NFX1: variants seen among roughly 807,000 people sequenced by gnomAD.
The protein encoded by NFX1 is transcriptional repressor NF-X1.
In NFX1, 69 loss-of-function variants were observed where a neutral mutation model predicts 137.2. The ratio of observed to expected loss-of-function variants is 0.50; its 90% CI spans 0.41 to 0.61. The LOEUF (loss-of-function observed/expected upper bound fraction) is 0.61, where lower values mean the gene tolerates loss of function less well. Among genes scored for constraint, NFX1 ranks in the 20% least tolerant of loss-of-function variants. The probability of loss-of-function intolerance (pLI) is 0.00; values close to 1 mark genes in which losing one functional copy is unlikely to be tolerated. For missense variants in NFX1, 1,167 were observed against 1,391.0 expected, an observed-to-expected ratio of 0.84 and a Z score of 2.56; for synonymous variants, 495 against 474.1, an observed-to-expected ratio of 1.04 and a Z score of -0.57.
intron 12 of NFX1, among the ~76,000 whole-genome samples, chr9:33,342,187 A>G (rs892679752): frequency 5.1e-5 from 4 of 77,992 alleles, no homozygotes; most frequent in East Asian, 3.7e-4. Flanking sequence ...TAAAATTTCA[A>G]ACTGGCTCAT....
In NFX1 at chr9:33,366,766, T is replaced by G; in HGVS notation, c.3177T>G (p.Thr1059=). 3 of 1,613,920 alleles carry G rather than the reference T, an allele frequency of 1.9e-6. No individual in the cohort carries two copies. In the South Asian group the frequency reaches 3.3e-5, roughly 18 times the overall value. The change falls in exon 22 of 24, where the codon ACT becomes ACG. Residue 1059 remains threonine (T), a synonymous_variant. Transcript: ENST00000379540. Reference sequence around the variant, plus strand: ...AACCGAAGCGCAATGTGGTGGTCACTGCCATCAGGTAGGTCAATCCCGCCG... The same window carrying G: ...AACCGAAGCGCAATGTGGTGGTCACGGCCATCAGGTAGGTCAATCCCGCCG... ...DSEPKRNVVV[T]AIRGKSVCPP... is the part of the protein sequence containing the mutation.
chr9:33,357,211 A>T (rs1823840512), intron 19 of NFX1, among the ~76,000 whole-genome samples: 1 of 152,098 alleles, frequency 6.6e-6, no homozygotes, highest in African/African-American at 2.4e-5. Flanking sequence ...CTGAGGCAGG[A>T]GAATGGCATG....
Position 33,332,515 on chromosome 9 carries a change from T to C in NFX1, c.2035+13T>C. 6.4e-7 allele frequency: 1 copy of C among 1,565,692 alleles called. No homozygotes were observed. Among genetic ancestry groups the C allele is most frequent in the Non-Finnish European group, 8.7e-7 (1 of 1,151,194 alleles). ...CTCAAAAGTGAAGGTATGACTGGGG[T>C]GGGGCATGAGGGAATTTCTGGGGTG... On this transcript the variant is annotated intron_variant, in intron 11 of 23. Transcript: ENST00000379540.
At chr9:33,362,311 C>T (rs1824020884) in intron 19 of NFX1, among the ~76,000 whole-genome samples, 1 of 152,102 alleles carries the variant, frequency 6.6e-6, no homozygotes, top group Admixed American at 6.6e-5. Flanking sequence ...GATACCTGTA[C>T]TCTCATATTT....
intron 1 of NFX1, among the ~76,000 whole-genome samples, chr9:33,293,678 A>G (rs751186673): frequency 5.3e-5 from 8 of 152,208 alleles, no homozygotes; most frequent in Non-Finnish European, 8.8e-5. Context: ...TTTGTGCTTC[A>G]GGGACTGAAT....
chr9:33,363,350 T>C (rs143142263), intron 19 of NFX1, among the ~76,000 whole-genome samples: 8 of 151,570 alleles, frequency 5.3e-5, no homozygotes, highest in African/African-American at 1.9e-4. Context: ...AGTGGCACAA[T>C]CTCGGTTCAC....
intron 11 of NFX1, 33 bp from the exon 12 acceptor site, chr9:33,338,477 G>T (rs1482845565): frequency 1.3e-6 from 2 of 1,576,242 alleles, no homozygotes; most frequent in Admixed American, 1.7e-5. Context: ...TCCTTTGTCT[G>T]GTTTTTTTTT....
intron 19 of NFX1, 144 bp downstream of exon 19, chr9:33,355,036 C>A: frequency 1.4e-6 from 1 of 740,312 alleles, no homozygotes; most frequent in Non-Finnish European, 2.2e-6. Flanking sequence ...ATGCCGTTAC[C>A]AAGAATTGAA....
At chr9:33,362,867 C>G (rs998936129) in intron 19 of NFX1, among the ~76,000 whole-genome samples, 1 of 151,920 alleles carries the variant, frequency 6.6e-6, no homozygotes, top group African/African-American at 2.4e-5. Context: ...CCACACCTGA[C>G]TAATTTTTGT....
At chr9:33,307,876 T>C (rs1196718679) in intron 5 of NFX1, among the ~76,000 whole-genome samples, 4 of 147,510 alleles carry the variant, frequency 2.7e-5, no homozygotes, top group African/African-American at 9.9e-5. Flanking sequence ...TGATCACAGC[T>C]CACTGCAACC....
chr9:33,329,163 A>G (rs10125284), intron 10 of NFX1, among the ~76,000 whole-genome samples: 7,090 of 152,328 alleles, frequency 0.047, 488 homozygotes, highest in African/African-American at 0.15. Context: ...GTCCAAAAAA[A>G]TACCAAAGGT....
chr9:33,302,171 C>A lies in NFX1; in HGVS notation c.1192+750C>A, dbSNP rs150864129. Among the ~76,000 whole-genome samples the A allele has an allele frequency of 7.5e-4, 114 of 152,110 alleles. 1 individual carries two copies. Among genetic ancestry groups the A allele is most frequent in the African/African-American group, 2.7e-3 (112 of 41,484 alleles). On this transcript the variant is annotated intron_variant, in intron 3 of 23. Transcript: ENST00000379540. ...GGTACACATGATATTTTGATACAAG[C>A]GTACAATGTGTAATGATCAAATCAG...
intron 9 of NFX1, among the ~76,000 whole-genome samples, chr9:33,322,987 T>C (rs929440460): frequency 9.9e-5 from 15 of 152,180 alleles, no homozygotes; most frequent in African/African-American, 3.4e-4. Context: ...TTTAATTGGA[T>C]CAGACTGCTG....
chr9:33,348,855 T>G (rs1036047946), intron 15 of NFX1: 2 of 875,666 alleles, frequency 2.3e-6, no homozygotes, highest in East Asian at 1.2e-4. Flanking sequence ...TGATACTGTT[T>G]GCTACATTCC....
intron 1 of NFX1, among the ~76,000 whole-genome samples, chr9:33,291,563 G>A (rs1442724728): frequency 6.6e-6 from 1 of 152,184 alleles, no homozygotes; most frequent in African/African-American, 2.4e-5. Flanking sequence ...ATATGTATTT[G>A]TATACTGGGT....
intron 13 of NFX1, among the ~76,000 whole-genome samples, chr9:33,343,536 T>G (rs1823302839): frequency 6.6e-6 from 1 of 152,192 alleles, no homozygotes; most frequent in South Asian, 2.1e-4. Flanking sequence ...TTAAAGATGT[T>G]TTCAAATAAT....
At chr9:33,323,063 A>G (rs1279484446) in intron 9 of NFX1, among the ~76,000 whole-genome samples, 1 of 152,210 alleles carries the variant, frequency 6.6e-6, no homozygotes, top group Admixed American at 6.5e-5. Context: ...CTTGAGACTG[A>G]GCGTAATCCA....
chr9:33,353,572 G>T (rs558683242), intron 17 of NFX1, among the ~76,000 whole-genome samples: 1 of 152,056 alleles, frequency 6.6e-6, no homozygotes, highest in East Asian at 1.9e-4. Context: ...TCACCTCATC[G>T]CTTCCCATGT....
At chr9:33,298,331 G>C (rs1452015864) in intron 2 of NFX1, among the ~76,000 whole-genome samples, 2 of 152,188 alleles carry the variant, frequency 1.3e-5, no homozygotes, top group Admixed American at 1.3e-4. Context: ...ATGTGGGGAG[G>C]GGTATTATAG....
Sources: allele counts gnomAD v4.1 joint callset (sites outside exome capture counted in the v4.1 genomes callset), GRCh38; gene constraint gnomAD v4.1.1; transcripts MANE v1.5; gene names NCBI Gene and HGNC (gene_info 2026-07-23, HGNC 2026-07-21).